Variants in TEX11 observed in about 807,000 individuals in gnomAD.
The protein encoded by TEX11 is testis expressed 11, also known as testis-expressed protein 11.
In TEX11, 7 loss-of-function variants were observed where a neutral mutation model predicts 84.4. The ratio of observed to expected loss-of-function variants is 0.08; its 90% CI spans 0.05 to 0.16. The LOEUF (loss-of-function observed/expected upper bound fraction) is 0.16, where lower values mean the gene tolerates loss of function less well. TEX11 is among the 10% of genes least tolerant of loss of function. The pLI is 1.00. For synonymous variants in TEX11, 264 were observed against 222.8 expected, an observed-to-expected ratio of 1.18 and a Z score of -1.64; for missense variants, 551 against 660.5, an observed-to-expected ratio of 0.83 and a Z score of 1.82.
At chrX:70,897,155 A>ATATAAC (rs1302035830) in intron 2 of TEX11, among the ~76,000 whole-genome samples, 1 of 31,131 alleles carries the variant, frequency 3.2e-5, no homozygotes, top group Admixed American at 3.0e-4. Context: ...TATTATATAT[A>ATATAAC]ACATATATAT....
At chrX:70,829,462 A>G (rs1438841840) in intron 8 of TEX11, among the ~76,000 whole-genome samples, 1 of 90,130 alleles carries the variant, frequency 1.1e-5, no homozygotes, top group Non-Finnish European at 2.2e-5. Context: ...AGCCTGGGTG[A>G]CAGAGCAACA....
At chrX:70,812,107 T>A (rs983087739) in intron 8 of TEX11, among the ~76,000 whole-genome samples, 3 of 111,828 alleles carry the variant, frequency 2.7e-5, no homozygotes, top group African/African-American at 9.7e-5. Flanking sequence ...TGCCCATGCC[T>A]ATGTCCTGAA....
At position 70,802,057 on chromosome X, in the gene TEX11, G is replaced by C. The variant is rs527856933; in HGVS notation, c.692+4648C>G. 1.7e-3 allele frequency among the ~76,000 whole-genome samples: 195 copies of C among 111,541 alleles called. 3 individuals carry two copies. The South Asian group carries it at 0.072, about 41-fold the overall frequency. ...ACCACACCACCTGTGAAATACTTCTGCCAAAAAATCTGGTAAGAGCCTTTA... is the reference window on the plus strand; with the variant it reads ...ACCACACCACCTGTGAAATACTTCTCCCAAAAAATCTGGTAAGAGCCTTTA... On this transcript the variant is annotated intron_variant, in intron 9 of 29. Coordinates refer to ENST00000374333, the MANE Select transcript of TEX11 (RefSeq NM_031276.3).
chrX:70,582,370 G>A, intron 25 of TEX11, among the ~76,000 whole-genome samples: 1 of 111,913 alleles, frequency 8.9e-6, no homozygotes, highest in Middle Eastern at 4.6e-3. Flanking sequence ...GGACAAACTG[G>A]GAAAGTTAAA....
intron 9 of TEX11, among the ~76,000 whole-genome samples, chrX:70,778,616 G>A (rs1032790693): frequency 4.6e-5 from 5 of 109,846 alleles, no homozygotes; most frequent in African/African-American, 1.7e-4. Flanking sequence ...TACCACACCA[G>A]GCTATGTTTT....
chrX:70,640,644 C>A (rs1385589476), intron 17 of TEX11, among the ~76,000 whole-genome samples: 2 of 108,243 alleles, frequency 1.8e-5, no homozygotes, highest in Non-Finnish European at 1.9e-5. Context: ...AATTTTCAAC[C>A]CAGAATTTCA....
intron 8 of TEX11, among the ~76,000 whole-genome samples, chrX:70,822,347 C>T (rs865904535): frequency 3.6e-5 from 4 of 111,012 alleles, no homozygotes; most frequent in African/African-American, 9.8e-5. Flanking sequence ...GATATCTGCA[C>T]TCACATATTC....
chrX:70,715,574 T>G (rs2090490019), intron 13 of TEX11, among the ~76,000 whole-genome samples: 1 of 112,258 alleles, frequency 8.9e-6, no homozygotes, highest in African/African-American at 3.2e-5. Flanking sequence ...TTCTTCCAGT[T>G]GATAGCATCG....
the TEX11 span, among the ~76,000 whole-genome samples, chrX:70,515,681 T>G: frequency 8.9e-6 from 1 of 112,527 alleles, no homozygotes; most frequent in Admixed American, 9.4e-5. Flanking sequence ...TTCTAGATCC[T>G]TGAGGAATCA....
intron 4 of TEX11, among the ~76,000 whole-genome samples, chrX:70,866,358 T>G (rs1289721143): frequency 1.9e-5 from 2 of 105,322 alleles, no homozygotes; most frequent in Non-Finnish European, 3.9e-5. Context: ...AATCCCTGAA[T>G]AGACCACTAA....
chrX:70,602,550 T>C (rs1362785959), intron 24 of TEX11, among the ~76,000 whole-genome samples: 49 of 106,688 alleles, frequency 4.6e-4, no homozygotes, highest in African/African-American at 1.5e-3. Flanking sequence ...TGGGATGTAT[T>C]TCAAAATAAT....
chrX:70,632,223 A>C (rs1463954535), intron 17 of TEX11, among the ~76,000 whole-genome samples: 1 of 111,712 alleles, frequency 9.0e-6, no homozygotes, highest in Admixed American at 9.5e-5. Context: ...GATAGACCAG[A>C]ATAAAGGTCT....
intron 13 of TEX11, among the ~76,000 whole-genome samples, chrX:70,706,493 G>T: frequency 9.0e-6 from 1 of 110,942 alleles, no homozygotes. Flanking sequence ...TGTGCAGCTG[G>T]CAAGTCAGTC....
At chrX:70,829,428 G>A (rs1426840814) in intron 8 of TEX11, among the ~76,000 whole-genome samples, 1 of 102,144 alleles carries the variant, frequency 9.8e-6, no homozygotes, top group Non-Finnish European at 1.9e-5. Flanking sequence ...GTTGCAGTGA[G>A]CCAAGATCAT....
At chrX:70,676,891 A>T (rs1408432761) in intron 15 of TEX11, among the ~76,000 whole-genome samples, 1 of 111,903 alleles carries the variant, frequency 8.9e-6, no homozygotes, top group African/African-American at 3.3e-5. Context: ...TTCTCATCCT[A>T]AACAGAGTTT....
At chrX:70,614,184 G>A (rs2089293519) in intron 20 of TEX11, among the ~76,000 whole-genome samples, 1 of 111,429 alleles carries the variant, frequency 9.0e-6, no homozygotes, top group African/African-American at 3.3e-5. Context: ...AGAGGACTTT[G>A]TCTTATGCCT....
intron 11 of TEX11, among the ~76,000 whole-genome samples, chrX:70,731,089 C>T (rs1409887515): frequency 4.5e-5 from 5 of 111,728 alleles, no homozygotes; most frequent in Non-Finnish European, 7.5e-5. Context: ...GAAATAAAGA[C>T]GTTCTCTGAA....
At position 70,750,933 on chromosome X, in the gene TEX11, AATATATATATAT is replaced by A. The variant is rs1169707708; in HGVS notation, c.693-6726_693-6715del. Among the ~76,000 whole-genome samples, 211 of 28,200 alleles carry A rather than the reference AATATATATATAT, an allele frequency of 7.5e-3. 6 individuals carry two copies. Among genetic ancestry groups the A allele is most frequent in the Admixed American group, 0.061 (164 of 2,683 alleles). 24.5% of individuals were successfully genotyped at this position (28,200 alleles called of 115,157 possible). On this transcript the variant is annotated intron_variant, in intron 9 of 29. Coordinates refer to ENST00000374333, the MANE Select transcript of TEX11 (RefSeq NM_031276.3). The stretch of plus-strand genomic sequence containing the variant: ...ACTTAAAGTATAATAAAAAAAAAAA[AATATATATATAT>A]ATATATATATATATATATATAAAAG...
chrX:70,590,704 C>T (rs1281850009), intron 25 of TEX11, among the ~76,000 whole-genome samples: 1 of 111,759 alleles, frequency 8.9e-6, no homozygotes, highest in East Asian at 2.8e-4. Flanking sequence ...AGGCTTACTA[C>T]TGTTTAGATT....
Sources: gnomAD v4.1 joint callset for allele counts (sites outside exome capture counted in the v4.1 genomes callset) on GRCh38, gnomAD v4.1.1 for gene constraint, MANE v1.5 for transcripts, NCBI Gene and HGNC (gene_info 2026-07-23, HGNC 2026-07-21) for gene names.